Variants in MAPK10 observed in about 807,000 individuals in gnomAD.
MAPK10 encodes mitogen-activated protein kinase 10, also known as JNK3 alpha protein kinase.
Under a neutral mutation model 59.3 loss-of-function variants are expected in MAPK10, and 25 were observed. The observed-to-expected ratio is 0.42, with a 90% CI of 0.31 to 0.59. The LOEUF (loss-of-function observed/expected upper bound fraction) is 0.59. Ranked by LOEUF, MAPK10 falls within the 20% of genes least tolerant of loss-of-function variation. The pLI is 0.15. For synonymous variants in MAPK10, 190 were observed against 200.5 expected (o/e 0.95, Z 0.44); for missense variants, 351 against 568.9 (o/e 0.62, Z 3.90).
Position 86,372,564 on chromosome 4 carries a change from GAAAGAAAA to G in MAPK10, c.-121-17928_-121-17921del, listed in dbSNP as rs1223991514. Among the ~76,000 whole-genome samples, 107 of 78,714 alleles carry G rather than the reference GAAAGAAAA, an allele frequency of 1.4e-3. 2 individuals carry two copies. The highest frequency in any genetic ancestry group is 7.4e-3 in the Admixed American group (54 of 7,296). The allele number at this position is 78,714 out of a possible 152,430, so 51.6% of individuals were successfully genotyped here. A position where few individuals can be genotyped will look rare whatever the true frequency, so the allele number is the denominator to read the frequency against. On this transcript the variant is annotated intron_variant, in intron 1 of 13. Coordinates refer to the MAPK10 transcript ENST00000361569. The stretch of plus-strand genomic sequence containing the variant: ...AGAAAGAAAGAAAGAAAGAAAGAAA[GAAAGAAAA>G]GAAAAGAAAAGAAAAGAAAAGAAAA...
intron 4 of MAPK10, among the ~76,000 whole-genome samples, chr4:86,136,828 G>A (rs1370385245): frequency 6.6e-6 from 1 of 151,814 alleles, no homozygotes; most frequent in African/African-American, 2.4e-5. Flanking sequence ...CAAAATAAAA[G>A]GATGGAGGAA....
chr4:86,131,177 T>C (rs2149139946), intron 4 of MAPK10, among the ~76,000 whole-genome samples: 1 of 152,312 alleles, frequency 6.6e-6, no homozygotes, highest in East Asian at 1.9e-4. Context: ...TCACTTTTTC[T>C]AGAAACAAAA....
intron 11 of MAPK10, among the ~76,000 whole-genome samples, chr4:86,044,090 C>A (rs1215944276): frequency 1.3e-5 from 2 of 152,132 alleles, no homozygotes; most frequent in African/African-American, 4.8e-5. Context: ...GACTTTATCT[C>A]TAGCTGACGG....
At chr4:86,219,204 T>C (rs868482270) in intron 2 of MAPK10, among the ~76,000 whole-genome samples, 1 of 152,064 alleles carries the variant, frequency 6.6e-6, no homozygotes, top group Non-Finnish European at 1.5e-5. Flanking sequence ...ATTTCCATGG[T>C]ATTGGGGGCA....
At chr4:86,072,289 T>C (rs1299069459) in intron 9 of MAPK10, among the ~76,000 whole-genome samples, 1 of 152,152 alleles carries the variant, frequency 6.6e-6, no homozygotes, top group Non-Finnish European at 1.5e-5. Context: ...AAGGATATTT[T>C]GGGCTGAGAC....
At chr4:86,222,129 A>G (rs781420490) in intron 2 of MAPK10, among the ~76,000 whole-genome samples, 1 of 152,208 alleles carries the variant, frequency 6.6e-6, no homozygotes, top group Non-Finnish European at 1.5e-5. Flanking sequence ...GAAGCTACAC[A>G]GATGCCAGCA....
intron 1 of MAPK10, among the ~76,000 whole-genome samples, chr4:86,509,307 G>A (rs953888800): frequency 6.6e-6 from 1 of 151,998 alleles, no homozygotes; most frequent in Non-Finnish European, 1.5e-5. Flanking sequence ...TTGAAGGATT[G>A]ATATTCTATA....
At chr4:86,170,901 GA>G (rs1180480002) in intron 3 of MAPK10, 1 of 151,236 alleles carries the variant, frequency 6.6e-6, no homozygotes, top group African/African-American at 2.4e-5. Context: ...AATCAAACTA[GA>G]ACTCAGGATT....
At chr4:86,202,115 C>T (rs1480029237) in intron 2 of MAPK10, among the ~76,000 whole-genome samples, 1 of 151,864 alleles carries the variant, frequency 6.6e-6, no homozygotes, top group Non-Finnish European at 1.5e-5. Context: ...AGTTCTTATA[C>T]TCTTCTTTAA....
At chr4:86,497,320 G>A (rs868609643) in intron 1 of MAPK10, among the ~76,000 whole-genome samples, 25 of 152,196 alleles carry the variant, frequency 1.6e-4, no homozygotes, top group African/African-American at 5.1e-4. Context: ...TTCCATTTCC[G>A]TAGACTTGGC....
Position 86,554,676 on chromosome 4 carries a change from C to A in MAPK10, c.-263+39234G>T, listed in dbSNP as rs1311093922. Reference sequence around the variant, plus strand: ...CACATTGTCCTATCTGGTCCCTCCCCCATCAATCTCTCCTATAATCCATCT... The same window carrying A: ...CACATTGTCCTATCTGGTCCCTCCCACATCAATCTCTCCTATAATCCATCT... On this transcript the variant is annotated intron_variant, in intron 1 of 4. Transcript: ENST00000502302. 2.0e-5 allele frequency among the ~76,000 whole-genome samples: 3 copies of A among 152,188 alleles called. No individual in the cohort carries two copies. In the East Asian group the frequency reaches 5.8e-4, roughly 29 times the overall value.
At chr4:86,454,250 T>G (rs1477130179), upstream of MAPK10, among the ~76,000 whole-genome samples, 1 of 151,978 alleles carries the variant, frequency 6.6e-6, no homozygotes, top group African/African-American at 2.4e-5. Context: ...CAGCATTGGA[T>G]CCAAACCAGG....
At chr4:86,528,008 C>T (rs182932412) in intron 1 of MAPK10, among the ~76,000 whole-genome samples, 36 of 152,046 alleles carry the variant, frequency 2.4e-4, no homozygotes, top group Admixed American at 1.7e-3. Flanking sequence ...GAAGGGGGAG[C>T]GAGGGAGGGG....
At chr4:86,360,934 C>T (rs1237822374), upstream of MAPK10, among the ~76,000 whole-genome samples, 3 of 152,140 alleles carry the variant, frequency 2.0e-5, no homozygotes, top group South Asian at 2.1e-4. Context: ...ATACAAATTT[C>T]GCTTAAACCA....
chr4:86,577,798 T>C (rs967727953), intron 1 of MAPK10, among the ~76,000 whole-genome samples: 8 of 152,140 alleles, frequency 5.3e-5, no homozygotes, highest in African/African-American at 9.6e-5. Flanking sequence ...GATCATTGAA[T>C]TGGAAAAACA....
At position 86,137,675 on chromosome 4, in the gene MAPK10, A is replaced by T. The variant is rs2062553034; in HGVS notation, c.236+21623T>A. 1.7e-5 allele frequency among the ~76,000 whole-genome samples: 2 copies of T among 121,132 alleles called. 1 individual carries two copies. Among genetic ancestry groups the T allele is most frequent in the Non-Finnish European group, 3.3e-5 (2 of 61,454 alleles). The allele number at this position is 121,132 out of a possible 152,430, so 79.5% of individuals were successfully genotyped here. A position where few individuals can be genotyped will look rare whatever the true frequency, so the allele number is the denominator to read the frequency against. On this transcript the variant is annotated intron_variant, in intron 4 of 13. Coordinates refer to ENST00000641462, the MANE Select transcript of MAPK10 (RefSeq NM_138982.4). ...CAAAAGCTAGCAGAAGGCAAGAAAT[A>T]ACTAAAATCAGAGCAGAACTGAAGG...
intron 1 of MAPK10, among the ~76,000 whole-genome samples, chr4:86,449,751 A>T (rs1750474382): frequency 6.6e-6 from 1 of 152,264 alleles, no homozygotes; most frequent in African/African-American, 2.4e-5. Flanking sequence ...AGGCGATAGC[A>T]TAGTCACTTC....
At chr4:86,333,882 T>C (rs1578406871) in intron 2 of MAPK10, among the ~76,000 whole-genome samples, 1 of 152,276 alleles carries the variant, frequency 6.6e-6, no homozygotes, top group East Asian at 1.9e-4. Context: ...TCATATATGT[T>C]TTAACTTTTA....
At chr4:86,575,388 C>T (rs943162734) in intron 1 of MAPK10, among the ~76,000 whole-genome samples, 2 of 152,036 alleles carry the variant, frequency 1.3e-5, no homozygotes, top group African/African-American at 2.4e-5. Flanking sequence ...GAGATCCATC[C>T]TATTGGTTCT....
Sources: allele counts gnomAD v4.1 joint callset (sites outside exome capture counted in the v4.1 genomes callset), GRCh38; gene constraint gnomAD v4.1.1; transcripts MANE v1.5; gene names NCBI Gene and HGNC (gene_info 2026-07-23, HGNC 2026-07-21).